The following HEXB variants were observed in gnomAD, a reference collection of about 807,000 sequenced individuals.
HEXB encodes beta-hexosaminidase subunit beta.
Under a neutral mutation model 71.2 loss-of-function variants are expected in HEXB, and 51 were observed. That is an observed-to-expected ratio of 0.72 (90% confidence interval 0.57 to 0.90). HEXB has a LOEUF of 0.90. Ranked by LOEUF, HEXB falls within the 40% of genes least tolerant of loss-of-function variation. The pLI, the probability that HEXB is intolerant of heterozygous loss-of-function variation, is 0.00. For synonymous variants in HEXB, 266 were observed against 249.3 expected, an observed-to-expected ratio of 1.07 and a Z score of -0.63; for missense variants, 617 against 677.0, an observed-to-expected ratio of 0.91 and a Z score of 0.98.
rs1037290086 is a variant in HEXB, at chr5:74,719,550, T to C, written c.1417+579T>C. ...AAAAATCACTGAAAAAGGATTTTGC[T>C]GTTTAAAAAAGTTTCAAAACCATAG... On this transcript the variant is annotated intron_variant, in intron 11 of 13. Coordinates refer to ENST00000261416, the MANE Select transcript of HEXB (RefSeq NM_000521.4). Among the ~76,000 whole-genome samples, 4 of 152,334 alleles carry C rather than the reference T, an allele frequency of 2.6e-5. No individual in the cohort carries two copies. The East Asian group carries it at 7.7e-4, about 29-fold the overall frequency.
rs774629971 is a variant in HEXB, at chr5:74,689,333, A to C, written c.305A>C (p.His102Pro). ...TLLEEAFRRY[H>P]GYIFGFYKWH... ...TACATTTATTTCTCAAACAGATATC[A>C]TGGCTATATTTTTGGTTTCTACAAG... Residue 102 changes from histidine to proline, a missense_variant, in exon 2 of 14, where the codon CAT (histidine) becomes CCT (proline). Transcript: ENST00000261416. 1.2e-6 allele frequency: 2 copies of C among 1,612,724 alleles called. No individual in the cohort carries two copies. The highest frequency in any genetic ancestry group is 3.3e-5 in the Admixed American group (2 of 60,030).
At chr5:74,685,683 C>A in intron 1 of HEXB, 124 bp downstream of exon 1, 1 of 829,086 alleles carries the variant, frequency 1.2e-6, no homozygotes, top group Non-Finnish European at 1.8e-6. Context: ...AGCTGGCAGG[C>A]GATCTGCCCA....
chr5:74,685,644 C>T (rs1748850559), intron 1 of HEXB, 85 bp downstream of exon 1: 1 of 1,270,822 alleles, frequency 7.9e-7, no homozygotes, highest in Non-Finnish European at 1.1e-6. Context: ...CCCTCACCAC[C>T]CCACTGCGCA....
chr5:74,667,434 A>G (rs1367184580), intron 1 of HEXB, among the ~76,000 whole-genome samples: 2 of 152,024 alleles, frequency 1.3e-5, no homozygotes, highest in African/African-American at 2.4e-5. Context: ...AAAAATTACC[A>G]TACAGTCCAT....
chr5:74,661,865 A>G (rs1046179482), intron 1 of HEXB, among the ~76,000 whole-genome samples: 2 of 152,212 alleles, frequency 1.3e-5, no homozygotes, highest in African/African-American at 4.8e-5. Context: ...TTACTCCAAG[A>G]TTTGAATTAA....
upstream of HEXB, chr5:74,685,009 C>T (rs991387898): frequency 2.0e-6 from 1 of 496,822 alleles, no homozygotes; most frequent in Non-Finnish European, 3.5e-6. Flanking sequence ...TTAGCCATCC[C>T]GTGTTTGAGG....
At chr5:74,690,326 G>A (rs1748968957) in intron 2 of HEXB, among the ~76,000 whole-genome samples, 1 of 152,060 alleles carries the variant, frequency 6.6e-6, no homozygotes, top group Non-Finnish European at 1.5e-5. Context: ...TATAAGATTC[G>A]TGCAAGAAAG....
chr5:74,683,752 A>G (rs1216704046), upstream of HEXB, among the ~76,000 whole-genome samples: 4 of 152,100 alleles, frequency 2.6e-5, no homozygotes, highest in East Asian at 3.9e-4. Context: ...CAAGTATTCA[A>G]CATGCCAAAG....
At chr5:74,707,830 GAA>G (rs1216322262) in intron 6 of HEXB, among the ~76,000 whole-genome samples, 2 of 152,080 alleles carry the variant, frequency 1.3e-5, no homozygotes, top group African/African-American at 2.4e-5. Flanking sequence ...ACCTGAAAGT[GAA>G]AGTGACGGGG....
chr5:74,660,963 G>T (rs950157644), intron 1 of HEXB, among the ~76,000 whole-genome samples: 1 of 152,140 alleles, frequency 6.6e-6, no homozygotes, highest in Non-Finnish European at 1.5e-5. Flanking sequence ...GGGCATAACA[G>T]CATCTCACTT....
chr5:74,671,380 A>C (rs1258370368), intron 1 of HEXB, among the ~76,000 whole-genome samples: 1 of 152,140 alleles, frequency 6.6e-6, no homozygotes, highest in Non-Finnish European at 1.5e-5. Context: ...ACCTGGATGA[A>C]TCTCAAAATA....
chr5:74,714,608 T>C (rs1226404464), intron 7 of HEXB, among the ~76,000 whole-genome samples: 2 of 152,198 alleles, frequency 1.3e-5, no homozygotes, highest in Non-Finnish European at 2.9e-5. Flanking sequence ...TGGGTTTGAA[T>C]CTTGCTTCTG....
intron 3 of HEXB, 64 bp downstream of exon 3, chr5:74,693,768 G>A: frequency 1.7e-6 from 2 of 1,162,054 alleles, no homozygotes; most frequent in Non-Finnish European, 2.6e-6. Context: ...GGTGCTTTGT[G>A]AAATTAAGCA....
intron 1 of HEXB, among the ~76,000 whole-genome samples, chr5:74,643,351 G>T (rs1350233176): frequency 6.6e-6 from 1 of 152,186 alleles, no homozygotes; most frequent in Non-Finnish European, 1.5e-5. Flanking sequence ...TCTTCATTTT[G>T]TACAGGAAGA....
chr5:74,709,808 A>C (rs2112164520), intron 6 of HEXB, among the ~76,000 whole-genome samples: 1 of 152,316 alleles, frequency 6.6e-6, no homozygotes, highest in African/African-American at 2.4e-5. Context: ...TAGCTTATCA[A>C]CCAAAGAGTC....
In HEXB at chr5:74,685,264, G is replaced by A. The variant is rs548595045; in HGVS notation, c.4G>A (p.Glu2Lys). The change falls in exon 1 of 14, where the codon GAG (glutamate) becomes AAG (lysine). Residue 2 changes from glutamate (E) to lysine (K), a missense_variant. Glu to Lys is a moderately conservative substitution (Grantham distance 56). Coordinates refer to ENST00000261416, the MANE Select transcript of HEXB (RefSeq NM_000521.4). M[E>K]LCGLGLPRPP... ...GGCGGAAAGCAGCCGAGCGGCCATGGAGCTGTGCGGGCTGGGGCTGCCCCG... is the reference window on the plus strand; with the variant it reads ...GGCGGAAAGCAGCCGAGCGGCCATGAAGCTGTGCGGGCTGGGGCTGCCCCG... 38 of 1,530,604 alleles carry A rather than the reference G, an allele frequency of 2.5e-5. 1 individual carries two copies. In the South Asian group the frequency reaches 4.6e-4, roughly 18 times the overall value. 94.8% of individuals were successfully genotyped at this position (1,530,604 alleles called of 1,614,324 possible).
At chr5:74,649,069 G>T (rs1211934059) in intron 1 of HEXB, among the ~76,000 whole-genome samples, 2 of 152,192 alleles carry the variant, frequency 1.3e-5, no homozygotes, top group African/African-American at 4.8e-5. Flanking sequence ...TGAACATTGT[G>T]TGTAGACCCT....
At chr5:74,714,711 A>C (rs1023140543) in intron 7 of HEXB, among the ~76,000 whole-genome samples, 1 of 152,176 alleles carries the variant, frequency 6.6e-6, no homozygotes, top group Admixed American at 6.5e-5. Flanking sequence ...CTATCATGTA[A>C]TTTTTTTGAG....
intron 6 of HEXB, among the ~76,000 whole-genome samples, chr5:74,710,335 T>C: frequency 6.6e-6 from 1 of 151,092 alleles, no homozygotes; most frequent in Non-Finnish European, 1.5e-5. Context: ...AATATCATAC[T>C]GAATGGGCAA....
Sources: allele counts gnomAD v4.1 joint callset (sites outside exome capture counted in the v4.1 genomes callset), GRCh38; gene constraint gnomAD v4.1.1; transcripts MANE v1.5; gene names NCBI Gene and HGNC (gene_info 2026-07-23, HGNC 2026-07-21).